The following AGAP1 variants were observed in gnomAD, a reference collection of about 807,000 sequenced individuals.
AGAP1 encodes the protein ArfGAP with GTPase domain, ankyrin repeat and PH domain 1.
Under a neutral mutation model 105.3 loss-of-function variants are expected in AGAP1, and 29 were observed. The observed-to-expected ratio is 0.28, with a 90% CI of 0.21 to 0.38. The LOEUF (loss-of-function observed/expected upper bound fraction) is 0.38, where lower values mean the gene tolerates loss of function less well. Among genes scored for constraint, AGAP1 ranks in the 10% least tolerant of loss-of-function variants. The pLI is 1.00. For missense variants in AGAP1, 998 were observed against 1,165.1 expected (o/e 0.86, Z 2.09); for synonymous variants, 509 against 485.9 (o/e 1.05, Z -0.63).
rs186173847 is a variant in AGAP1 at position 235,814,839 on chromosome 2, T to A, written c.1050+7508T>A. The stretch of plus-strand genomic sequence containing the variant: ...GGAGGAGGGTCCTAAAGGCCCAGGG[T>A]ATCTGCTTGCCAAGGACTCTGGCTG... On this transcript the variant is annotated intron_variant, in intron 9 of 17. Coordinates refer to ENST00000304032, the MANE Select transcript of AGAP1 (RefSeq NM_001037131.3). Among the ~76,000 whole-genome samples the A allele has an allele frequency of 1.4e-4, 21 of 152,156 alleles. No individual in the cohort carries two copies. In the East Asian group the frequency reaches 1.5e-3, roughly 11 times the overall value.
At chr2:235,697,945 C>T (rs987938623) in intron 1 of AGAP1, among the ~76,000 whole-genome samples, 3 of 152,212 alleles carry the variant, frequency 2.0e-5, no homozygotes, top group East Asian at 1.9e-4. Flanking sequence ...TGCATACTAC[C>T]AGCATCTAAG....
At chr2:236,063,447 T>TA (rs1242974087) in intron 16 of AGAP1, among the ~76,000 whole-genome samples, 1 of 152,222 alleles carries the variant, frequency 6.6e-6, no homozygotes, top group Non-Finnish European at 1.5e-5. Context: ...TGTTGATGTT[T>TA]AGTTTTCTTT....
rs917876226 is a variant in AGAP1, at chr2:236,127,285, C to T, written c.*3163C>T. 6.6e-6 allele frequency: 1 copy of T among 152,162 alleles called. No individual in the cohort carries two copies. The highest frequency in any genetic ancestry group is 1.5e-5 in the Non-Finnish European group (1 of 68,034). 9.4% of individuals were successfully genotyped at this position (152,162 alleles called of 1,614,324 possible). On this transcript the variant is annotated 3_prime_UTR_variant, in exon 18 of 18. Coordinates refer to ENST00000304032, the MANE Select transcript of AGAP1 (RefSeq NM_001037131.3). The surrounding 1 kb of genome is among the most constrained non-coding windows in gnomAD (Gnocchi z 6.6). Reference sequence around the variant, plus strand: ...GCAGATGGTTTCCCCCGCCCAGCACCCCAGTCCTGGTCCCTGGTCCCTCTC... The same window carrying T: ...GCAGATGGTTTCCCCCGCCCAGCACTCCAGTCCTGGTCCCTGGTCCCTCTC...
chr2:236,113,740 C>T lies in AGAP1; in HGVS notation c.2115-6452C>T, dbSNP rs1010993662. 2.0e-5 allele frequency among the ~76,000 whole-genome samples: 3 copies of T among 152,092 alleles called. No homozygotes were observed. The highest frequency in any genetic ancestry group is 2.4e-5 in the African/African-American group (1 of 41,412). The stretch of plus-strand genomic sequence containing the variant: ...GCAGCAATGCTAGAGTGTCTGTCTC[C>T]GAGCTGGCAGACCCCGAAAAATCCA... On this transcript the variant is annotated intron_variant, in intron 16 of 17. Coordinates refer to ENST00000304032, the MANE Select transcript of AGAP1 (RefSeq NM_001037131.3). The surrounding 1 kb of genome is among the most constrained non-coding windows in gnomAD (Gnocchi z 4.3).
At chr2:236,034,774 G>C (rs1490344080) in intron 13 of AGAP1, among the ~76,000 whole-genome samples, 2 of 152,230 alleles carry the variant, frequency 1.3e-5, no homozygotes, top group Non-Finnish European at 2.9e-5. Flanking sequence ...GTGCATCACA[G>C]CACTTTCCTG....
rs542961654 is a variant in AGAP1, at chr2:235,898,545, T to C, written c.1156-10193T>C. On this transcript the variant is annotated intron_variant, in intron 10 of 17. Coordinates refer to ENST00000304032, the MANE Select transcript of AGAP1 (RefSeq NM_001037131.3). ...TTTGCAGGTCAACCCTAATGACTTATCATGTCAGAATTGCTACCTCAAGTG... is the reference window on the plus strand; with the variant it reads ...TTTGCAGGTCAACCCTAATGACTTACCATGTCAGAATTGCTACCTCAAGTG... Among the ~76,000 whole-genome samples the C allele has an allele frequency of 1.8e-4, 24 of 130,824 alleles. No homozygotes were observed. In the South Asian group the frequency reaches 4.0e-3, roughly 22 times the overall value. 85.8% of individuals were successfully genotyped at this position (130,824 alleles called of 152,430 possible). A position where few individuals can be genotyped will look rare whatever the true frequency, so the allele number is the denominator to read the frequency against.
rs190173499 is a variant in AGAP1, at chr2:235,931,851, G to A, written c.1483+928G>A. On this transcript the variant is annotated intron_variant, in intron 12 of 17. Transcript: ENST00000304032. This position sits in a 1 kb window ranked among gnomAD's most constrained non-coding sequence, Gnocchi z 5.6. ...CCAAGCCGGGAGACGCGGAGTCAGC[G>A]AGGTAGCTCCACACCATAGCGGTGC... Among the ~76,000 whole-genome samples, 662 of 152,134 alleles carry A rather than the reference G, an allele frequency of 4.4e-3. 9 individuals carry two copies. The highest frequency in any genetic ancestry group is 0.014 in the African/African-American group (592 of 41,516).
chr2:236,104,695 C>T lies in AGAP1; in HGVS notation c.2115-15497C>T, dbSNP rs1027991536. On this transcript the variant is annotated intron_variant, in intron 16 of 17. Coordinates refer to ENST00000304032, the MANE Select transcript of AGAP1 (RefSeq NM_001037131.3). This position sits in a 1 kb window ranked among gnomAD's most constrained non-coding sequence, Gnocchi z 4.7. ...CACAAGGGCAGGAGGTCAAGTCTAGCCTGGCCAACATGGTGAAACCCCGTC... is the reference window on the plus strand; with the variant it reads ...CACAAGGGCAGGAGGTCAAGTCTAGTCTGGCCAACATGGTGAAACCCCGTC... 2.0e-5 allele frequency among the ~76,000 whole-genome samples: 3 copies of T among 152,270 alleles called. No individual in the cohort carries two copies. Among genetic ancestry groups the T allele is most frequent in the Non-Finnish European group, 4.4e-5 (3 of 68,026 alleles).
chr2:235,540,776 C>T (rs1228842765), intron 1 of AGAP1, among the ~76,000 whole-genome samples: 1 of 152,134 alleles, frequency 6.6e-6, no homozygotes, highest in Non-Finnish European at 1.5e-5. Context: ...CTTCACTTTC[C>T]ATGCCGGGCA....
Position 235,821,153 on chromosome 2 carries a change from A to G in AGAP1, c.1050+13822A>G, listed in dbSNP as rs373934623. 7.2e-5 allele frequency among the ~76,000 whole-genome samples: 11 copies of G among 152,336 alleles called. No homozygotes were observed. In the East Asian group the frequency reaches 1.9e-3, roughly 27 times the overall value. The stretch of plus-strand genomic sequence containing the variant: ...ATAATATTAAAATTCTGGGAGCTAC[A>G]AATTTTCAACAAGCAAGAAGTTAAA... On this transcript the variant is annotated intron_variant, in intron 9 of 17. Transcript: ENST00000304032.
At chr2:235,805,842 C>T (rs1176693224) in intron 8 of AGAP1, among the ~76,000 whole-genome samples, 6 of 152,216 alleles carry the variant, frequency 3.9e-5, no homozygotes, top group Non-Finnish European at 5.9e-5. Flanking sequence ...TCATTCTAGG[C>T]ATCCACCAAC....
intron 1 of AGAP1, among the ~76,000 whole-genome samples, chr2:235,667,978 A>T (rs1033277741): frequency 1.4e-5 from 2 of 148,054 alleles, no homozygotes; most frequent in Non-Finnish European, 3.0e-5. Context: ...AAAAAAAAAA[A>T]AAAAAAGTCT....
Position 235,494,681 on chromosome 2 carries a change from T to A in AGAP1, c.-6T>A, listed in dbSNP as rs945684144. ...GGCGCGCGGCTCCGGGCGCGGCGCC[T>A]GCACCATGAACTACCAGCAGCAGCT... On this transcript the variant is annotated 5_prime_UTR_variant, in exon 1 of 18. Transcript: ENST00000304032. 4.1e-6 allele frequency: 6 copies of A among 1,463,064 alleles called. No individual in the cohort carries two copies. The highest frequency in any genetic ancestry group is 3.0e-5 in the African/African-American group (2 of 66,020). 90.6% of individuals were successfully genotyped at this position (1,463,064 alleles called of 1,614,324 possible).
At chr2:236,071,230 C>A (rs555433156) in intron 16 of AGAP1, among the ~76,000 whole-genome samples, 88 of 152,274 alleles carry the variant, frequency 5.8e-4, no homozygotes, top group Non-Finnish European at 8.8e-4. Context: ...GCTAAATATG[C>A]AGGATTTTTG....
In AGAP1 at chr2:235,977,916, C is replaced by G. The variant is rs556414335; in HGVS notation, c.1645+9293C>G. On this transcript the variant is annotated intron_variant, in intron 13 of 17. Coordinates refer to ENST00000304032, the MANE Select transcript of AGAP1 (RefSeq NM_001037131.3). The surrounding 1 kb of genome is among the most constrained non-coding windows in gnomAD (Gnocchi z 5.2). Reference sequence around the variant, plus strand: ...CAGCAGAAACTCATTTATCATGGTTCTGAAGGCTGCAAAGTCCAAGATCAC... The same window carrying G: ...CAGCAGAAACTCATTTATCATGGTTGTGAAGGCTGCAAAGTCCAAGATCAC... Among the ~76,000 whole-genome samples, 4 of 152,298 alleles carry G rather than the reference C, an allele frequency of 2.6e-5. No homozygotes were observed. In the East Asian group the frequency reaches 7.7e-4, roughly 29 times the overall value.
At chr2:235,686,632 T>G (rs181078655) in intron 1 of AGAP1, among the ~76,000 whole-genome samples, 853 of 50,740 alleles carry the variant, frequency 0.017, 14 homozygotes, top group Middle Eastern at 0.029. Context: ...TATATATATA[T>G]ATATATATAT....
intron 1 of AGAP1, among the ~76,000 whole-genome samples, chr2:235,528,588 A>G (rs956654379): frequency 5.9e-5 from 9 of 152,246 alleles, no homozygotes; most frequent in Admixed American, 1.3e-4. Context: ...TTCTCAATAA[A>G]TGATGTTTGC....
rs935847313 is a variant in AGAP1, at chr2:235,736,204, G to C, written c.311-4759G>C. On this transcript the variant is annotated intron_variant, in intron 3 of 17. Transcript: ENST00000304032. The surrounding 1 kb of genome is among the most constrained non-coding windows in gnomAD (Gnocchi z 5.5). ...GTTCCTCACCCTGGGGGTGCCCGCC[G>C]TTGGGAGGTGCTGTGGTTCCAGGGT... 6.6e-6 allele frequency among the ~76,000 whole-genome samples: 1 copy of C among 151,960 alleles called. No individual in the cohort carries two copies. The highest frequency in any genetic ancestry group is 2.4e-5 in the African/African-American group (1 of 41,370).
chr2:235,496,792 T>C (rs1457738983), intron 1 of AGAP1, among the ~76,000 whole-genome samples: 3 of 152,178 alleles, frequency 2.0e-5, no homozygotes, highest in African/African-American at 7.2e-5. Context: ...TCCTAGATGA[T>C]GGTTTTTTTT....
Sources: gnomAD v4.1 joint callset for allele counts (sites outside exome capture counted in the v4.1 genomes callset) on GRCh38, gnomAD v4.1.1 for gene constraint, Gnocchi (gnomAD v3.1) non-coding constraint, MANE v1.5 for transcripts, NCBI Gene and HGNC (gene_info 2026-07-23, HGNC 2026-07-21) for gene names.